OLFM4: variants seen among roughly 807,000 people sequenced by gnomAD.
OLFM4 encodes olfactomedin-4.
A neutral mutation model predicts 25.5 loss-of-function variants in OLFM4; 22 were observed. That is an observed-to-expected ratio of 0.86 (90% CI 0.62 to 1.23). OLFM4 has a LOEUF of 1.23. Ranked by LOEUF, OLFM4 falls within the 50% of genes most tolerant of loss-of-function variation. The pLI is 0.00. For synonymous variants in OLFM4, 255 were observed against 237.7 expected (o/e 1.07, Z -0.67); for missense variants, 594 against 619.4 (o/e 0.96, Z 0.44).
chr13:53,036,953 A>G (rs1278098946), intron 2 of OLFM4, among the ~76,000 whole-genome samples: 2 of 152,202 alleles, frequency 1.3e-5, no homozygotes, highest in Non-Finnish European at 2.9e-5. Flanking sequence ...CCATGCTGTT[A>G]GCATCCTCCA....
At chr13:53,039,199 G>A (rs1954675040) in intron 2 of OLFM4, among the ~76,000 whole-genome samples, 3 of 152,236 alleles carry the variant, frequency 2.0e-5, no homozygotes, top group Admixed American at 2.0e-4. Context: ...AGCTGAGGGT[G>A]TTTCATTTGT....
chr13:53,033,149 T>C (rs1463335052), intron 1 of OLFM4, among the ~76,000 whole-genome samples: 1 of 152,124 alleles, frequency 6.6e-6, no homozygotes, highest in African/African-American at 2.4e-5. Flanking sequence ...CTTGGGGAAG[T>C]TCAAAGGGGA....
rs1177854792 is a variant in OLFM4 at position 53,043,198 on chromosome 13, A to G, written c.664A>G (p.Lys222Glu). The G allele has an allele frequency of 3.1e-6, 5 of 1,613,400 alleles. No homozygotes were observed. The highest frequency in any genetic ancestry group is 4.2e-6 in the Non-Finnish European group (5 of 1,179,726). Residue 222 changes from lysine to glutamate, a missense_variant, in exon 4 of 5, where the codon AAG (lysine) becomes GAG (glutamate). Coordinates refer to ENST00000219022, the MANE Select transcript of OLFM4 (RefSeq NM_006418.5). ...CCGAGAAATCGTGGCTCTGAAGACC[A>G]AGCTGAAAGAGTGTGAGGCCTCTAA... is the stretch of plus-strand genomic sequence containing the variant. The part of the protein sequence containing the change: ...IRREIVALKT[K>E]LKECEASKDQ...
In OLFM4 at chr13:53,028,886, A is replaced by G; in HGVS notation, c.50A>G (p.Gln17Arg). 2 of 1,614,174 alleles carry G rather than the reference A, an allele frequency of 1.2e-6. No individual in the cohort carries two copies. Among genetic ancestry groups the G allele is most frequent in the Non-Finnish European group, 1.7e-6 (2 of 1,180,026 alleles). The part of the protein sequence containing the change: ...FLLALLFFLG[Q>R]AAGDLGDVGP... ...CTAGCCCTTCTGTTCTTCCTTGGCC[A>G]AGCTGCAGGGGATTTGGGGGATGTG... The change falls in exon 1 of 5, where the codon CAA (glutamine) becomes CGA (arginine). Residue 17 changes from glutamine (Q) to arginine (R), a missense_variant. By Grantham distance (43) the Gln-to-Arg change is conservative (BLOSUM62 1). Coordinates refer to ENST00000219022, the MANE Select transcript of OLFM4 (RefSeq NM_006418.5).
In OLFM4 at chr13:53,050,342, C is replaced by T. The variant is rs756499598; in HGVS notation, c.1104C>T (p.Ala368=). 1 of 1,614,098 alleles carries T rather than the reference C, an allele frequency of 6.2e-7. No homozygotes were observed. Among genetic ancestry groups the T allele is most frequent in the Non-Finnish European group, 8.5e-7 (1 of 1,179,970 alleles). ...IAVTQTLPNA[A]YNNRFSYANV... is the part of the protein sequence containing the mutation. Reference sequence around the variant, plus strand: ...TGACTCAAACTCTCCCTAATGCTGCCTATAATAACCGCTTTTCATATGCTA... The same window carrying T: ...TGACTCAAACTCTCCCTAATGCTGCTTATAATAACCGCTTTTCATATGCTA... Residue 368 remains alanine (A), a synonymous_variant, in exon 5 of 5, where the codon GCC becomes GCT. Transcript: ENST00000219022.
chr13:53,033,655 G>A (rs574628651), intron 1 of OLFM4, among the ~76,000 whole-genome samples: 2 of 152,298 alleles, frequency 1.3e-5, no homozygotes, highest in East Asian at 3.9e-4. Flanking sequence ...AAGGAACTAA[G>A]AATTAAGGAG....
At chr13:53,031,086 C>T (rs1292212776) in intron 1 of OLFM4, among the ~76,000 whole-genome samples, 1 of 152,180 alleles carries the variant, frequency 6.6e-6, no homozygotes, top group African/African-American at 2.4e-5. Flanking sequence ...TGCCTATTGT[C>T]TGGTAAAAAG....
intron 3 of OLFM4, among the ~76,000 whole-genome samples, chr13:53,042,790 G>A (rs1255902163): frequency 6.6e-6 from 1 of 152,150 alleles, no homozygotes; most frequent in Non-Finnish European, 1.5e-5. Flanking sequence ...TACAACATGA[G>A]TAAACACAAG....
At chr13:53,035,841 G>A (rs1236713836) in intron 2 of OLFM4, among the ~76,000 whole-genome samples, 3 of 152,196 alleles carry the variant, frequency 2.0e-5, no homozygotes, top group African/African-American at 7.2e-5. Context: ...CTGGAGCAAT[G>A]TGACTTGGTG....
chr13:53,041,878 G>A, intron 2 of OLFM4, 32 bp from the exon 3 acceptor site: 1 of 1,519,312 alleles, frequency 6.6e-7, no homozygotes, highest in Non-Finnish European at 9.1e-7. Context: ...ACTACTCAGG[G>A]AATTGGCTTG....
intron 4 of OLFM4, among the ~76,000 whole-genome samples, chr13:53,044,179 T>A (rs1200013197): frequency 2.0e-5 from 3 of 152,154 alleles, no homozygotes; most frequent in African/African-American, 7.2e-5. Context: ...GCAATGGATA[T>A]TGTTAATAAT....
intron 2 of OLFM4, 107 bp from the exon 3 acceptor site, chr13:53,041,802 CA>C (rs1954688062): frequency 4.3e-6 from 3 of 700,124 alleles, no homozygotes; most frequent in Non-Finnish European, 7.4e-6. Context: ...TTACAAAACA[CA>C]ATGATTGGCA....
intron 3 of OLFM4, among the ~76,000 whole-genome samples, 165 bp from the exon 4 acceptor site, chr13:53,042,940 C>A (rs1378946335): frequency 6.6e-6 from 1 of 152,204 alleles, no homozygotes; most frequent in Non-Finnish European, 1.5e-5. Flanking sequence ...ATCTGACAGG[C>A]ATTCATGCTA....
At chr13:53,041,694 CA>C (rs1954687562) in intron 2 of OLFM4, among the ~76,000 whole-genome samples, 2 of 152,116 alleles carry the variant, frequency 1.3e-5, no homozygotes, top group Admixed American at 6.6e-5. Context: ...TTTAGCCTAG[CA>C]AAGTATAAAA....
At position 53,050,184 on chromosome 13, in the gene OLFM4, A is replaced by G. The variant is rs1325865539; in HGVS notation, c.946A>G (p.Ile316Val). 1.9e-6 allele frequency: 3 copies of G among 1,614,058 alleles called. No individual in the cohort carries two copies. Among genetic ancestry groups the G allele is most frequent in the East Asian group, 2.2e-5 (1 of 44,882 alleles). Residue 316 changes from isoleucine to valine, a missense_variant, in exon 5 of 5, where the codon ATA becomes GTA. Transcript: ENST00000219022. ...YNTLDDLLLY[I>V]NARELRITYG... ...CACACTGGATGATTTGCTATTGTAT[A>G]TAAATGCTCGAGAGTTGCGGATCAC... is the stretch of plus-strand genomic sequence containing the variant.
chr13:53,033,883 A>G (rs1954642028), intron 1 of OLFM4, among the ~76,000 whole-genome samples: 5 of 145,110 alleles, frequency 3.4e-5, no homozygotes, highest in Admixed American at 2.8e-4. Flanking sequence ...ACACGGTGAA[A>G]CTCCGTCTCT....
At position 53,029,048 on chromosome 13, in the gene OLFM4, G is replaced by A. The variant is rs753666482; in HGVS notation, c.204+8G>A. On this transcript the variant is annotated splice_region_variant and intron_variant, in intron 1 of 4. Coordinates refer to ENST00000219022, the MANE Select transcript of OLFM4 (RefSeq NM_006418.5). Reference sequence around the variant, plus strand: ...GGAGGTTCTGTGTCCCAGGTGAGGAGGCCCCAGAATCTGAATGAGCTGCAT... The same window carrying A: ...GGAGGTTCTGTGTCCCAGGTGAGGAAGCCCCAGAATCTGAATGAGCTGCAT... 5 of 1,613,800 alleles carry A rather than the reference G, an allele frequency of 3.1e-6. No homozygotes were observed. In the Admixed American group the frequency reaches 6.7e-5, roughly 22 times the overall value.
intron 2 of OLFM4, among the ~76,000 whole-genome samples, chr13:53,036,661 T>A (rs1302044871): frequency 6.6e-6 from 1 of 152,346 alleles, no homozygotes; most frequent in Non-Finnish European, 1.5e-5. Context: ...AAAGTTTATC[T>A]GCTAGCTAGG....
intron 2 of OLFM4, among the ~76,000 whole-genome samples, chr13:53,037,417 A>G (rs1593478971): frequency 2.6e-5 from 4 of 152,220 alleles, no homozygotes; most frequent in African/African-American, 4.8e-5. Context: ...CATTAAGGCA[A>G]CCCATAAAGA....
Sources: allele counts gnomAD v4.1 joint callset (sites outside exome capture counted in the v4.1 genomes callset), GRCh38; gene constraint gnomAD v4.1.1; transcripts MANE v1.5; gene names NCBI Gene and HGNC (gene_info 2026-07-23, HGNC 2026-07-21).